Variants in R3HCC1L observed in about 807,000 individuals in gnomAD.
R3HCC1L encodes R3H domain and coiled-coil containing 1 like.
R3HCC1L carries 51 observed loss-of-function variants against 59.9 expected under a neutral mutation model. That is an observed-to-expected ratio of 0.85 (90% confidence interval 0.68 to 1.07). The LOEUF (loss-of-function observed/expected upper bound fraction) is 1.07. R3HCC1L is among the 50% of genes least tolerant of loss of function. The pLI, the probability that R3HCC1L is intolerant of heterozygous loss-of-function variation, is 0.00. For synonymous variants in R3HCC1L, 322 were observed against 315.2 expected, an observed-to-expected ratio of 1.02 and a Z score of -0.23; for missense variants, 965 against 933.0, an observed-to-expected ratio of 1.03 and a Z score of -0.45.
At chr10:98,156,714 G>A (rs747786459) in intron 2 of R3HCC1L, among the ~76,000 whole-genome samples, 2 of 152,142 alleles carry the variant, frequency 1.3e-5, no homozygotes, top group South Asian at 2.1e-4. Context: ...TGGCACTTGG[G>A]TATTTTATGG....
At chr10:98,219,558 A>G (rs1854623374) in intron 5 of R3HCC1L, among the ~76,000 whole-genome samples, 2 of 152,100 alleles carry the variant, frequency 1.3e-5, no homozygotes, top group Non-Finnish European at 2.9e-5. Flanking sequence ...TGTGGTGGTA[A>G]CATTTGACTT....
chr10:98,225,461 A>G (rs1855566289), intron 5 of R3HCC1L, among the ~76,000 whole-genome samples: 1 of 152,162 alleles, frequency 6.6e-6, no homozygotes, highest in South Asian at 2.1e-4. Context: ...TAACAGTATG[A>G]TATCCTATCT....
In R3HCC1L at chr10:98,186,559, CT is replaced by C. The variant is rs1406796516; in HGVS notation, c.-14-21541del. 607 of 955,078 alleles carry C rather than the reference CT, an allele frequency of 6.4e-4. 5 individuals are homozygous for C. In the African/African-American group the frequency reaches 9.5e-3, roughly 15 times the overall value. The allele number at this position is 955,078 out of a possible 1,614,324, so 59.2% of individuals were successfully genotyped here. A position where few individuals can be genotyped will look rare whatever the true frequency, so the allele number is the denominator to read the frequency against. Reference sequence around the variant, plus strand: ...AAGTCTTCTGAGACTCCAGAGTCACCTAAGGTAGTGACCATTGCCACTAACA... The same window carrying C: ...AAGTCTTCTGAGACTCCAGAGTCACCAAGGTAGTGACCATTGCCACTAACA... On this transcript the variant is annotated intron_variant, in intron 4 of 9. Transcript: ENST00000298999.
intron 9 of R3HCC1L, among the ~76,000 whole-genome samples, chr10:98,238,732 A>G (rs1857223119): frequency 6.6e-6 from 1 of 152,114 alleles, no homozygotes; most frequent in Non-Finnish European, 1.5e-5. Flanking sequence ...AGTTATTGAC[A>G]TTTTCTCCCA....
intron 4 of R3HCC1L, among the ~76,000 whole-genome samples, chr10:98,183,314 G>A (rs1340223040): frequency 6.9e-6 from 1 of 144,118 alleles, no homozygotes; most frequent in Non-Finnish European, 1.5e-5. Flanking sequence ...TTCTTATCCT[G>A]TTCCACTGTA....
intron 4 of R3HCC1L, among the ~76,000 whole-genome samples, chr10:98,166,249 A>G (rs1847931127): frequency 6.6e-6 from 1 of 152,180 alleles, no homozygotes; most frequent in Admixed American, 6.5e-5. Context: ...ACAATGGGAA[A>G]TCAACCTACT....
At position 98,225,908 on chromosome 10, in the gene R3HCC1L, T is replaced by G. The variant is rs534715852; in HGVS notation, c.1786-5604T>G. On this transcript the variant is annotated intron_variant, in intron 5 of 9. Transcript: ENST00000298999. ...CAGGTTGGAGTGTAGTGGCACAGTC[T>G]TGGCTCACTGCAGCCTCGACCTCCC... Among the ~76,000 whole-genome samples the G allele has an allele frequency of 1.1e-4, 16 of 152,250 alleles. No individual in the cohort carries two copies. In the South Asian group the frequency reaches 3.1e-3, roughly 30 times the overall value.
chr10:98,214,957 AT>A (rs1328589258), intron 5 of R3HCC1L, among the ~76,000 whole-genome samples: 1 of 152,132 alleles, frequency 6.6e-6, no homozygotes, highest in Non-Finnish European at 1.5e-5. Flanking sequence ...GCCCCTTCTT[AT>A]TTTATAGATA....
At chr10:98,192,346 A>G (rs540666258) in intron 4 of R3HCC1L, among the ~76,000 whole-genome samples, 23 of 152,282 alleles carry the variant, frequency 1.5e-4, no homozygotes, top group South Asian at 4.1e-4. Context: ...AAAAAAGTAA[A>G]GAAACTAAAT....
chr10:98,164,134 C>G (rs1317309847), intron 4 of R3HCC1L, among the ~76,000 whole-genome samples: 2 of 152,074 alleles, frequency 1.3e-5, no homozygotes, highest in Non-Finnish European at 2.9e-5. Flanking sequence ...CAGCAACCGT[C>G]AGAAGATAAA....
intron 1 of R3HCC1L, among the ~76,000 whole-genome samples, chr10:98,149,704 A>G (rs1845967449): frequency 1.3e-5 from 2 of 152,332 alleles, no homozygotes; most frequent in East Asian, 3.9e-4. Flanking sequence ...GATACTTCAC[A>G]TGATTTCTGC....
chr10:98,191,144 T>C (rs940423375), intron 4 of R3HCC1L, among the ~76,000 whole-genome samples: 2 of 152,214 alleles, frequency 1.3e-5, no homozygotes, highest in African/African-American at 4.8e-5. Context: ...AGTAGCATGA[T>C]TTATAATCCT....
intron 4 of R3HCC1L, among the ~76,000 whole-genome samples, chr10:98,185,742 A>G (rs371507163): frequency 4.6e-5 from 7 of 152,220 alleles, no homozygotes; most frequent in African/African-American, 1.7e-4. Flanking sequence ...AGTTGATTTT[A>G]TCATGAAAAC....
chr10:98,235,902 A>T, intron 8 of R3HCC1L, 122 bp from the exon 9 acceptor site: 1 of 1,132,692 alleles, frequency 8.8e-7, no homozygotes, highest in Non-Finnish European at 1.2e-6. Flanking sequence ...GACTTGTATT[A>T]ATTACTGCTG....
At chr10:98,141,416 G>A (rs371380497) in intron 1 of R3HCC1L, among the ~76,000 whole-genome samples, 38 of 152,170 alleles carry the variant, frequency 2.5e-4, no homozygotes, top group African/African-American at 6.8e-4. Context: ...TTTTAGGGGT[G>A]GTGTGTATGT....
rs1853092551 is a variant in R3HCC1L at position 98,208,716 on chromosome 10, A to G, written c.602A>G (p.Lys201Arg). ...HEPDGEAFED[K>R]DLEGRIETDT... The stretch of plus-strand genomic sequence containing the variant: ...CCTGATGGGGAAGCATTTGAAGACA[A>G]AGATTTGGAAGGCAGAATTGAAACT... The change falls in exon 5 of 10, where the codon AAA becomes AGA. Residue 201 changes from lysine (K) to arginine (R), a missense_variant. By Grantham distance (26) the Lys-to-Arg change is conservative. Coordinates refer to ENST00000298999, the MANE Select transcript of R3HCC1L (RefSeq NM_001351015.2). The G allele has an allele frequency of 6.2e-7, 1 of 1,614,142 alleles. No individual in the cohort carries two copies. Among genetic ancestry groups the G allele is most frequent in the Non-Finnish European group, 8.5e-7 (1 of 1,180,016 alleles).
intron 4 of R3HCC1L, among the ~76,000 whole-genome samples, chr10:98,171,965 T>C (rs577976430): frequency 7.9e-5 from 12 of 152,282 alleles, no homozygotes; most frequent in African/African-American, 2.6e-4. Flanking sequence ...TTAATATGTA[T>C]GCAAGAGAGT....
Position 98,208,204 on chromosome 10 carries a change from C to T in R3HCC1L, c.90C>T (p.Leu30=), listed in dbSNP as rs1293780687. 43 of 1,613,864 alleles carry T rather than the reference C, an allele frequency of 2.7e-5. No individual in the cohort carries two copies. The highest frequency in any genetic ancestry group is 3.0e-5 in the Non-Finnish European group (35 of 1,180,026). ...CTAAAGCTCGTAGGGGTGCAGTACT[C>T]CTTAAGACAGGTGATGAAGAAGAAA... ...YVPKARRGAV[L]LKTGDEEESC... is the part of the protein sequence containing the mutation. The change falls in exon 5 of 10, where the codon CTC becomes CTT. Residue 30 remains leucine (L), a synonymous_variant. Coordinates refer to ENST00000298999, the MANE Select transcript of R3HCC1L (RefSeq NM_001351015.2).
chr10:98,138,363 C>G (rs1252579653), intron 1 of R3HCC1L, among the ~76,000 whole-genome samples: 1 of 152,054 alleles, frequency 6.6e-6, no homozygotes, highest in African/African-American at 2.4e-5. Context: ...ACTTTGTATG[C>G]TATAATGTGT....
Sources: gnomAD v4.1 joint callset for allele counts (sites outside exome capture counted in the v4.1 genomes callset) on GRCh38, gnomAD v4.1.1 for gene constraint, MANE v1.5 for transcripts, NCBI Gene and HGNC (gene_info 2026-07-23, HGNC 2026-07-21) for gene names.